The following ULK1 variants were observed in gnomAD, a reference collection of about 807,000 sequenced individuals.
ULK1 encodes the protein unc-51 like autophagy activating kinase 1.
In ULK1, 48 loss-of-function variants were observed where a neutral mutation model predicts 117.5. That is an observed-to-expected ratio of 0.41 (90% CI 0.32 to 0.52). The LOEUF (loss-of-function observed/expected upper bound fraction) is 0.52, where lower values mean the gene tolerates loss of function less well. ULK1 is among the 20% of genes least tolerant of loss of function. ULK1 has a pLI of 0.29. For missense variants in ULK1, 1,387 were observed against 1,473.4 expected (o/e 0.94, Z 0.96); for synonymous variants, 790 against 637.8 (o/e 1.24, Z -3.60).
rs745358037 is a variant in ULK1 at position 131,916,138 on chromosome 12, C to T, written c.1857C>T (p.Pro619=). Reference sequence around the variant, plus strand: ...TCCTGCAGCGAAACCCCCTGCCCCCCATCCTGGGCTCCCCCACCAAGGTAA... The same window carrying T: ...TCCTGCAGCGAAACCCCCTGCCCCCTATCCTGGGCTCCCCCACCAAGGTAA... ...PDFLQRNPLP[P]ILGSPTKAVP... is the part of the protein sequence containing the mutation. The change falls in exon 19 of 28, where the codon CCC becomes CCT. Residue 619 remains proline (P), a synonymous_variant. Coordinates refer to ENST00000321867, the MANE Select transcript of ULK1 (RefSeq NM_003565.4). 9 of 1,611,958 alleles carry T rather than the reference C, an allele frequency of 5.6e-6. No homozygotes were observed. In the South Asian group the frequency reaches 7.7e-5, roughly 14 times the overall value.
chr12:131,919,036 G>C (rs1349471608), intron 23 of ULK1, among the ~76,000 whole-genome samples, 176 bp from the exon 24 acceptor site: 4 of 148,266 alleles, frequency 2.7e-5, no homozygotes, highest in Admixed American at 2.7e-4. Flanking sequence ...GGGGTGTACG[G>C]TGTGTGGGGT....
chr12:131,919,381 G>C lies in ULK1; in HGVS notation c.2681G>C (p.Trp894Ser). The change falls in exon 24 of 28, where the codon TGG (tryptophan) becomes TCG (serine). Residue 894 changes from tryptophan (W) to serine (S), a missense_variant. By Grantham distance (177) the Trp-to-Ser change is radical. Around this residue, in one of 4 missense-constraint regions of ULK1, gnomAD observed 900 missense variants for 858.9 expected, o/e 1.05. Transcript: ENST00000321867. Reference protein sequence around the residue: ...ADQISLLSREWGFAEQLVLYL... With the variant: ...ADQISLLSRESGFAEQLVLYL... ...CAGATCAGCCTGCTGAGCCGAGAAT[G>C]GGGGTGGGTGCCGCCAGGGCTGGGG... The C allele has an allele frequency of 1.3e-6, 2 of 1,555,136 alleles. No individual in the cohort carries two copies. The highest frequency in any genetic ancestry group is 1.7e-6 in the Non-Finnish European group (2 of 1,149,296).
chr12:131,911,588 G>A (rs994976027), intron 12 of ULK1, among the ~76,000 whole-genome samples: 1 of 152,176 alleles, frequency 6.6e-6, no homozygotes, highest in Admixed American at 6.5e-5. Context: ...ATGGTACCTC[G>A]TTCTCTTGGC....
rs1475163870 is a variant in ULK1 at position 131,916,701 on chromosome 12, C to T, written c.2072+110C>T. On this transcript the variant is annotated intron_variant, in intron 20 of 27. Coordinates refer to ENST00000321867, the MANE Select transcript of ULK1 (RefSeq NM_003565.4). The stretch of plus-strand genomic sequence containing the variant: ...TAGAACAGGAAAAGCCCAGCCTTGC[C>T]CTTCTGTGGGTGCCCAGTGTGGCTG... 32 of 1,343,362 alleles carry T rather than the reference C, an allele frequency of 2.4e-5. No individual in the cohort carries two copies. In the African/African-American group the frequency reaches 3.4e-4, roughly 14 times the overall value. The allele number at this position is 1,343,362 out of a possible 1,614,324, so 83.2% of individuals were successfully genotyped here. A position where few individuals can be genotyped will look rare whatever the true frequency, so the allele number is the denominator to read the frequency against.
In ULK1 at chr12:131,914,610, A is replaced by C. The variant is rs1204641194; in HGVS notation, c.1373+133A>C. On this transcript the variant is annotated intron_variant, in intron 16 of 27. Coordinates refer to ENST00000321867, the MANE Select transcript of ULK1 (RefSeq NM_003565.4). Reference sequence around the variant, plus strand: ...CAGGCTGCGCACTGCGTAACTCAGCACCACCATTTACTTTGTTGATGTCTT... The same window carrying C: ...CAGGCTGCGCACTGCGTAACTCAGCCCCACCATTTACTTTGTTGATGTCTT... 2.5e-6 allele frequency: 3 copies of C among 1,209,244 alleles called. No individual in the cohort carries two copies. The African/African-American group carries it at 4.6e-5, about 19-fold the overall frequency. The allele number at this position is 1,209,244 out of a possible 1,614,324, so 74.9% of individuals were successfully genotyped here.
intron 3 of ULK1, among the ~76,000 whole-genome samples, chr12:131,900,377 A>C (rs1889039148): frequency 6.6e-6 from 1 of 152,158 alleles, no homozygotes; most frequent in Non-Finnish European, 1.5e-5. Flanking sequence ...AGCCATACAA[A>C]ATTGTGAAAA....
chr12:131,916,137 C>T lies in ULK1; in HGVS notation c.1856C>T (p.Pro619Leu), dbSNP rs780604727. The part of the protein sequence containing the change: ...PDFLQRNPLP[P>L]ILGSPTKAVP... The stretch of plus-strand genomic sequence containing the variant: ...TTCCTGCAGCGAAACCCCCTGCCCC[C>T]CATCCTGGGCTCCCCCACCAAGGTA... The change falls in exon 19 of 28, where the codon CCC becomes CTC. Residue 619 changes from proline to leucine, a missense_variant. Physicochemically the swap from Pro to Leu is moderately conservative, Grantham distance 98 (BLOSUM62 -3). This residue lies in a region of ULK1 where 900 missense variants were observed against 858.9 expected (regional missense o/e 1.05). Coordinates refer to ENST00000321867, the MANE Select transcript of ULK1 (RefSeq NM_003565.4). The T allele has an allele frequency of 3.1e-6, 5 of 1,611,916 alleles. No individual in the cohort carries two copies. Among genetic ancestry groups the T allele is most frequent in the African/African-American group, 2.7e-5 (2 of 74,898 alleles).
intron 8 of ULK1, among the ~76,000 whole-genome samples, 161 bp downstream of exon 8, chr12:131,909,398 G>C (rs1889421273): frequency 6.6e-6 from 1 of 152,202 alleles, no homozygotes; most frequent in South Asian, 2.1e-4. Context: ...AAGGGGCCTC[G>C]GTGTCCCCCA....
At chr12:131,895,456 G>C (rs1238867360) in intron 1 of ULK1, 145 bp from the exon 2 acceptor site, 11 of 690,690 alleles carry the variant, frequency 1.6e-5, no homozygotes, top group Non-Finnish European at 2.4e-5. Context: ...CCCCCAGCGC[G>C]ATCCTCAACC....
rs143871163 is a variant in ULK1 at position 131,904,716 on chromosome 12, G to A, written c.247-2176G>A. ...TCTGATGAGCAGGTCAGGTCTTAGG[G>A]AACCCCTGGCTCTGGGATCCAGGGC... On this transcript the variant is annotated intron_variant, in intron 3 of 27. Coordinates refer to ENST00000321867, the MANE Select transcript of ULK1 (RefSeq NM_003565.4). Among the ~76,000 whole-genome samples the A allele has an allele frequency of 5.9e-5, 9 of 152,258 alleles. No individual in the cohort carries two copies. In the East Asian group the frequency reaches 1.7e-3, roughly 29 times the overall value.
chr12:131,919,782 C>T, intron 25 of ULK1, 192 bp downstream of exon 25: 1 of 1,021,240 alleles, frequency 9.8e-7, no homozygotes, highest in Non-Finnish European at 1.4e-6. Flanking sequence ...GCCCAGTATG[C>T]AGAGCACAGA....
chr12:131,905,691 C>T (rs571018428), intron 3 of ULK1, among the ~76,000 whole-genome samples: 2 of 152,290 alleles, frequency 1.3e-5, no homozygotes, highest in East Asian at 3.9e-4. Flanking sequence ...CTTCCTGGGC[C>T]TCACTCTCCT....
chr12:131,915,216 A>G lies in ULK1; in HGVS notation c.1507A>G (p.Thr503Ala). 1.2e-6 allele frequency: 2 copies of G among 1,601,478 alleles called. No individual in the cohort carries two copies. The highest frequency in any genetic ancestry group is 1.7e-6 in the Non-Finnish European group (2 of 1,174,600). The change falls in exon 17 of 28, where the codon ACG (threonine) becomes GCG (alanine). Residue 503 changes from threonine (T) to alanine (A), a missense_variant. This residue lies in a region of ULK1 where 900 missense variants were observed against 858.9 expected (regional missense o/e 1.05). Coordinates refer to ENST00000321867, the MANE Select transcript of ULK1 (RefSeq NM_003565.4). ...GTCTCTGGGTGGAGGCCGGCCCTAC[A>G]CGCCATCTCCTCAAGGTGCGCCTGC... ...KMSLGGGRPYTPSPQVGTIPE... is the reference protein window; with the variant it reads ...KMSLGGGRPYAPSPQVGTIPE...
At chr12:131,917,753 C>T (rs974782947) in intron 22 of ULK1, among the ~76,000 whole-genome samples, 199 bp downstream of exon 22, 3 of 152,186 alleles carry the variant, frequency 2.0e-5, no homozygotes, top group Non-Finnish European at 4.4e-5. Context: ...GTATCCACCC[C>T]TCAGACCACC....
At chr12:131,910,850 CAG>C (rs1566120664) in intron 12 of ULK1, 50 bp downstream of exon 12, 5 of 1,607,448 alleles carry the variant, frequency 3.1e-6, no homozygotes, top group South Asian at 1.1e-5. Context: ...ACTCAGCAGT[CAG>C]GGGCTCCAGC....
chr12:131,908,805 C>T lies in ULK1; in HGVS notation c.478C>T (p.Arg160Cys), dbSNP rs1483007782. 4 of 1,606,602 alleles carry T rather than the reference C, an allele frequency of 2.5e-6. No homozygotes were observed. Among genetic ancestry groups the T allele is most frequent in the Non-Finnish European group, 3.4e-6 (4 of 1,177,262 alleles). Residue 160 changes from arginine (R) to cysteine (C), a missense_variant, in exon 6 of 28, where the codon CGC becomes TGC. Physicochemically the swap from Arg to Cys is radical, Grantham distance 180 (BLOSUM62 -3). Around this residue, in one of 4 missense-constraint regions of ULK1, gnomAD observed 224 missense variants for 325.2 expected, o/e 0.69. Coordinates refer to ENST00000321867, the MANE Select transcript of ULK1 (RefSeq NM_003565.4). Reference protein sequence around the residue: ...AGRRANPNSIRVKIADFGFAR... With the variant: ...AGRRANPNSICVKIADFGFAR... ...CCGCCGCGCCAACCCCAACAGCATC[C>T]GCGTCAAGATCGGTCAGCCCGCGGG...
In ULK1 at chr12:131,908,827, C is replaced by G. The variant is rs778617910; in HGVS notation, c.490+10C>G. ...ATCCGCGTCAAGATCGGTCAGCCCGCGGGCAGGCAGGCGGGCCCGGCGGGG... is the reference window on the plus strand; with the variant it reads ...ATCCGCGTCAAGATCGGTCAGCCCGGGGGCAGGCAGGCGGGCCCGGCGGGG... On this transcript the variant is annotated intron_variant, in intron 6 of 27. Transcript: ENST00000321867. 1 of 1,605,756 alleles carries G rather than the reference C, an allele frequency of 6.2e-7. No individual in the cohort carries two copies. Among genetic ancestry groups the G allele is most frequent in the Non-Finnish European group, 8.5e-7 (1 of 1,176,874 alleles).
chr12:131,912,125 A>T, intron 13 of ULK1, 36 bp downstream of exon 13: 1 of 1,595,318 alleles, frequency 6.3e-7, no homozygotes, highest in Non-Finnish European at 8.5e-7. Context: ...GTGACGCCTC[A>T]GGTGCGGCGG....
rs1890199229 is a variant in ULK1, at chr12:131,922,645, A to G, written c.*1284A>G. 1 of 153,162 alleles carries G rather than the reference A, an allele frequency of 6.5e-6. No homozygotes were observed. Among genetic ancestry groups the G allele is most frequent in the South Asian group, 2.1e-4 (1 of 4,854 alleles). The allele number at this position is 153,162 out of a possible 1,614,324, so 9.5% of individuals were successfully genotyped here. ...CCAGCCCTCGATTAGCCCTGCCTGA[A>G]TCAGTAGATACTTGAACGAGTCCCC... On this transcript the variant is annotated 3_prime_UTR_variant, in exon 28 of 28. Transcript: ENST00000321867.
Sources: allele counts gnomAD v4.1 joint callset (sites outside exome capture counted in the v4.1 genomes callset), GRCh38; gene constraint gnomAD v4.1.1; regional missense constraint gnomAD v4.1.1; transcripts MANE v1.5; gene names NCBI Gene and HGNC (gene_info 2026-07-23, HGNC 2026-07-21).